Variants in FRMPD4 observed in about 807,000 individuals in gnomAD.
The protein encoded by FRMPD4 is FERM and PDZ domain-containing protein 4.
Under a neutral mutation model 94.1 loss-of-function variants are expected in FRMPD4, and 22 were observed. The ratio of observed to expected loss-of-function variants is 0.23; its 90% CI spans 0.17 to 0.33. FRMPD4 has a LOEUF of 0.33. Among genes scored for constraint, FRMPD4 ranks in the 10% least tolerant of loss-of-function variants. FRMPD4 has a pLI of 1.00. For synonymous variants in FRMPD4, 631 were observed against 548.6 expected (o/e 1.15, Z -2.10); for missense variants, 1,111 against 1,339.9 (o/e 0.83, Z 2.67).
chrX:12,085,590 A>G (rs1177325559), intron 3 of FRMPD4, among the ~76,000 whole-genome samples: 1 of 111,874 alleles, frequency 8.9e-6, no homozygotes, highest in Non-Finnish European at 1.9e-5. Context: ...GATGCTGGAC[A>G]TGTGGGCATG....
At chrX:12,021,107 C>G (rs1355634844) in intron 3 of FRMPD4, among the ~76,000 whole-genome samples, 2 of 111,780 alleles carry the variant, frequency 1.8e-5, no homozygotes, top group African/African-American at 6.5e-5. Context: ...GATATACCCA[C>G]GAGTCAATGC....
At chrX:12,371,803 G>A (rs145385721) in intron 1 of FRMPD4, among the ~76,000 whole-genome samples, 75 of 111,609 alleles carry the variant, frequency 6.7e-4, no homozygotes, top group Non-Finnish European at 1.3e-3. Flanking sequence ...CGCACAGTTC[G>A]ATTTGAATTT....
intron 1 of FRMPD4, among the ~76,000 whole-genome samples, chrX:12,460,743 G>A (rs1195306905): frequency 9.0e-6 from 1 of 111,174 alleles, no homozygotes; most frequent in Non-Finnish European, 1.9e-5. Context: ...GGAGCATATT[G>A]GGCCTCGTAA....
At chrX:12,296,123 G>T (rs1414199256) in intron 1 of FRMPD4, among the ~76,000 whole-genome samples, 1 of 110,750 alleles carries the variant, frequency 9.0e-6, no homozygotes, top group African/African-American at 3.3e-5. Context: ...TCTAGACATT[G>T]TCAAATGTCC....
At chrX:12,451,927 C>G (rs961221097) in intron 1 of FRMPD4, among the ~76,000 whole-genome samples, 2 of 110,837 alleles carry the variant, frequency 1.8e-5, no homozygotes, top group Admixed American at 1.9e-4. Context: ...TATTCTTTCT[C>G]TTTTCTAATC....
In FRMPD4 at chrX:12,399,091, C is replaced by A. The variant is rs372642581; in HGVS notation, c.42-99589C>A. On this transcript the variant is annotated intron_variant, in intron 1 of 16. Transcript: ENST00000675598. ...CCTCAAACTCCCTTCACCTGGCTAA[C>A]TGGTTTGCAGCCTCCACATCTCAGT... Among the ~76,000 whole-genome samples the A allele has an allele frequency of 9.9e-5, 11 of 111,674 alleles. No homozygotes were observed. The East Asian group carries it at 2.3e-3, about 23-fold the overall frequency.
intron 1 of FRMPD4, among the ~76,000 whole-genome samples, chrX:12,170,532 A>G (rs1366541062): frequency 8.9e-6 from 1 of 112,253 alleles, no homozygotes; most frequent in East Asian, 2.8e-4. Flanking sequence ...TCTTACTTGT[A>G]TACTTGAAAT....
intron 1 of FRMPD4, among the ~76,000 whole-genome samples, chrX:12,170,989 G>C (rs976554815): frequency 8.8e-6 from 1 of 113,482 alleles, no homozygotes; most frequent in African/African-American, 3.2e-5. Context: ...AGCGCACTGC[G>C]CTTAAGAGAA....
chrX:12,401,437 G>C (rs1177372275), intron 1 of FRMPD4, among the ~76,000 whole-genome samples: 1 of 110,920 alleles, frequency 9.0e-6, no homozygotes, highest in Non-Finnish European at 1.9e-5. Flanking sequence ...GTTGAGTGAG[G>C]ACAGTCTGAG....
intron 1 of FRMPD4, among the ~76,000 whole-genome samples, chrX:12,225,951 G>T (rs1012918523): frequency 8.9e-6 from 1 of 111,955 alleles, no homozygotes; most frequent in African/African-American, 3.3e-5. Flanking sequence ...TATGACGTCA[G>T]CCTGCCTGGG....
chrX:12,420,319 G>C (rs191192874), intron 1 of FRMPD4, among the ~76,000 whole-genome samples: 1 of 111,921 alleles, frequency 8.9e-6, no homozygotes, highest in Admixed American at 9.5e-5. Flanking sequence ...TGTCCCACCC[G>C]GGCCTCCATT....
rs1270095450 is a variant in FRMPD4, at chrX:12,718,460, A to G, written c.3634A>G (p.Ser1212Gly). The change falls in exon 16 of 17, where the codon AGC becomes GGC. Residue 1212 changes from serine to glycine, a missense_variant. Transcript: ENST00000675598. ...LQSEGHFSLQSSQGSSVDAGC... is the reference protein window; with the variant it reads ...LQSEGHFSLQGSQGSSVDAGC... ...AAGCGAGGGCCATTTTTCTCTGCAG[A>G]GCTCCCAAGGCTCTTCAGTGGATGC... The G allele has an allele frequency of 2.5e-6, 3 of 1,206,734 alleles. No homozygotes were observed. The highest frequency in any genetic ancestry group is 1.7e-5 in the African/African-American group (1 of 57,165).
chrX:11,950,024 C>T (rs752420279), intron 3 of FRMPD4, among the ~76,000 whole-genome samples: 1 of 112,010 alleles, frequency 8.9e-6, no homozygotes, highest in Non-Finnish European at 1.9e-5. Context: ...ACCCAAATCT[C>T]ACCCTGAATT....
chrX:12,632,384 T>A (rs1438486), intron 4 of FRMPD4, among the ~76,000 whole-genome samples: 39,065 of 110,897 alleles, frequency 0.35, 6,452 homozygotes, highest in Non-Finnish European at 0.51. Context: ...ACATTTAACT[T>A]CTGTGACCCC....
At chrX:12,115,344 A>C (rs1261290166) in intron 3 of FRMPD4, among the ~76,000 whole-genome samples, 1 of 111,481 alleles carries the variant, frequency 9.0e-6, no homozygotes, top group African/African-American at 3.3e-5. Context: ...TGCTTGGCTA[A>C]GTTTTTTAAT....
intron 1 of FRMPD4, among the ~76,000 whole-genome samples, chrX:12,454,540 T>C (rs1331372047): frequency 9.0e-6 from 1 of 110,685 alleles, no homozygotes; most frequent in Non-Finnish European, 1.9e-5. Context: ...GGGTTTTTTT[T>C]TTTTTGCAAA....
At position 12,042,074 on chromosome X, in the gene FRMPD4, T is replaced by G. The variant is rs770846573; in HGVS notation, c.95+164056T>G. Among the ~76,000 whole-genome samples the G allele has an allele frequency of 2.5e-3, 283 of 111,696 alleles. 1 individual carries two copies. The highest frequency in any genetic ancestry group is 4.5e-3 in the Non-Finnish European group (237 of 53,049). ...TTCTTCAGTGATATTCCTTATTTGT[T>G]GAGTCATTGTCATAAATTTTCCTTT... On this transcript the variant is annotated intron_variant, in intron 3 of 18. Coordinates refer to the FRMPD4 transcript ENST00000640291.
At chrX:12,001,143 C>T (rs1012131494) in intron 3 of FRMPD4, among the ~76,000 whole-genome samples, 1 of 111,719 alleles carries the variant, frequency 9.0e-6, no homozygotes, top group Non-Finnish European at 1.9e-5. Flanking sequence ...ATGCACATAA[C>T]CTTAAGAGTT....
chrX:12,164,980 T>G (rs1469291789), intron 1 of FRMPD4, among the ~76,000 whole-genome samples: 1 of 111,943 alleles, frequency 8.9e-6, no homozygotes, highest in Admixed American at 9.4e-5. Flanking sequence ...TTGCAAAAAT[T>G]TTCTCCCATT....
Sources: gnomAD v4.1 joint callset for allele counts (sites outside exome capture counted in the v4.1 genomes callset) on GRCh38, gnomAD v4.1.1 for gene constraint, MANE v1.5 for transcripts, NCBI Gene and HGNC (gene_info 2026-07-23, HGNC 2026-07-21) for gene names.